Variants in COBL observed in about 807,000 individuals in gnomAD.
The protein encoded by COBL is cordon-bleu WH2 repeat protein.
Under a neutral mutation model 98.8 loss-of-function variants are expected in COBL, and 51 were observed. The observed-to-expected ratio is 0.52, with a 90% CI of 0.41 to 0.65. COBL has a LOEUF of 0.65. Among genes scored for constraint, COBL ranks in the 30% least tolerant of loss-of-function variants. The pLI, the probability that COBL is intolerant of heterozygous loss-of-function variation, is 0.00. For missense variants in COBL, 1,617 were observed against 1,617.5 expected, an observed-to-expected ratio of 1.00 and a Z score of 0.01; for synonymous variants, 634 against 651.7, an observed-to-expected ratio of 0.97 and a Z score of 0.41.
intron 2 of COBL, among the ~76,000 whole-genome samples, chr7:51,217,348 T>C (rs1297530421): frequency 6.7e-6 from 1 of 149,108 alleles, no homozygotes; most frequent in Non-Finnish European, 1.5e-5. Flanking sequence ...TTCTTTTTTT[T>C]TTTTTTTTTT....
intron 6 of COBL, among the ~76,000 whole-genome samples, chr7:51,133,057 A>T (rs1360580895): frequency 6.6e-6 from 1 of 152,098 alleles, no homozygotes; most frequent in Non-Finnish European, 1.5e-5. Context: ...CTCTAACCCA[A>T]ATGCAAGAGC....
chr7:51,079,723 G>A (rs114883585), intron 7 of COBL, among the ~76,000 whole-genome samples: 116 of 152,330 alleles, frequency 7.6e-4, no homozygotes, highest in African/African-American at 2.6e-3. Flanking sequence ...GAGCAGGCAC[G>A]CAGCTCAGAG....
rs933511275 is a variant in COBL, at chr7:51,236,827, T to C, written c.42-16883A>G. ...AAAAACAAGGCATGTCTGCGATGAA[T>C]GCAGCAGGGTCGGTGTCCTAAACCC... On this transcript the variant is annotated intron_variant, in intron 1 of 12. Transcript: ENST00000265136. Among the ~76,000 whole-genome samples the C allele has an allele frequency of 4.6e-5, 7 of 152,198 alleles. No individual in the cohort carries two copies. The East Asian group carries it at 1.4e-3, about 29-fold the overall frequency.
chr7:51,016,747 G>GT lies in COBL; in HGVS notation c.*803dup, dbSNP rs1786322369. ...TCATCAGGCTCCGTACACAGGCACCGTGGGGGAGGCCTATGTCACTTCATA... is the reference window on the plus strand; with the variant it reads ...TCATCAGGCTCCGTACACAGGCACCGTTGGGGGAGGCCTATGTCACTTCATA... On this transcript the variant is annotated 3_prime_UTR_variant, in exon 13 of 13. Transcript: ENST00000265136. The GT allele has an allele frequency of 7.7e-6, 3 of 391,996 alleles. No homozygotes were observed. The East Asian group carries it at 1.1e-4, about 14-fold the overall frequency. 24.3% of individuals were successfully genotyped at this position (391,996 alleles called of 1,614,324 possible).
chr7:51,253,199 G>A (rs1364236019), intron 1 of COBL, among the ~76,000 whole-genome samples: 2 of 152,136 alleles, frequency 1.3e-5, no homozygotes, highest in South Asian at 4.1e-4. Context: ...ACTCCAGTCT[G>A]GGCAACAGAC....
At chr7:51,148,247 CTGGGGGG>C (rs932787754) in intron 5 of COBL, among the ~76,000 whole-genome samples, 3 of 152,272 alleles carry the variant, frequency 2.0e-5, no homozygotes, top group South Asian at 4.1e-4. Context: ...GCCAGAGTGA[CTGGGGGG>C]TGGGCTACAA....
Position 51,226,522 on chromosome 7 carries a change from TTGAG to T in COBL, c.42-6582_42-6579del, listed in dbSNP as rs3081930. ...GGGAAGGAATTCGGTCACCACTGCG[TTGAG>T]TGAGTGAGTGAGTGAGTGAGTAAGT... On this transcript the variant is annotated intron_variant, in intron 1 of 12. Transcript: ENST00000265136. 1.0e-3 allele frequency among the ~76,000 whole-genome samples: 158 copies of T among 150,548 alleles called. 3 individuals carry two copies. The South Asian group carries it at 0.031, about 29-fold the overall frequency.
chr7:51,117,733 G>T (rs1389992985), intron 6 of COBL, among the ~76,000 whole-genome samples: 1 of 152,062 alleles, frequency 6.6e-6, no homozygotes, highest in African/African-American at 2.4e-5. Context: ...TTTCGAATAG[G>T]TCGCATTTTC....
chr7:51,161,720 T>C (rs988501765), intron 5 of COBL, among the ~76,000 whole-genome samples: 1 of 152,234 alleles, frequency 6.6e-6, no homozygotes, highest in African/African-American at 2.4e-5. Flanking sequence ...TGATGAAGCA[T>C]GTAGTAATAC....
intron 2 of COBL, among the ~76,000 whole-genome samples, chr7:51,207,275 T>C (rs1472602776): frequency 6.6e-6 from 1 of 151,438 alleles, no homozygotes; most frequent in East Asian, 1.9e-4. Context: ...GGAAGGAAAC[T>C]GACATAAAAG....
chr7:51,041,650 A>G (rs1400806034), intron 8 of COBL, among the ~76,000 whole-genome samples: 1 of 151,466 alleles, frequency 6.6e-6, no homozygotes, highest in African/African-American at 2.4e-5. Context: ...CACCCAGCCA[A>G]TTTTTGTATT....
chr7:51,099,091 C>CA (rs542571317), intron 6 of COBL, among the ~76,000 whole-genome samples: 1,134 of 95,460 alleles, frequency 0.012, 2 homozygotes, highest in Admixed American at 0.021. Flanking sequence ...TGGCCACTAT[C>CA]AAAAAAAAAA....
intron 7 of COBL, among the ~76,000 whole-genome samples, chr7:51,059,439 T>A (rs979202791): frequency 6.6e-6 from 1 of 152,158 alleles, no homozygotes; most frequent in African/African-American, 2.4e-5. Context: ...CATTCATTAG[T>A]GGTCATGATC....
chr7:51,020,102 A>G (rs735048), intron 12 of COBL, among the ~76,000 whole-genome samples: 102,267 of 152,154 alleles, frequency 0.67, 36,924 homozygotes, highest in Non-Finnish European at 0.82. Context: ...TCAGTTCAAT[A>G]GGACGTTTCC....
rs145498844 is a variant in COBL at position 51,213,634 on chromosome 7, G to C, written c.245+6107C>G. Among the ~76,000 whole-genome samples the C allele has an allele frequency of 5.9e-3, 891 of 152,292 alleles. 3 individuals carry two copies. Among genetic ancestry groups the C allele is most frequent in the Non-Finnish European group, 0.01 (699 of 68,026 alleles). The stretch of plus-strand genomic sequence containing the variant: ...GGAAGCCCAGAACCAGGGAAGTCTA[G>C]GTGTGAGGCTGAGGTCTCTGTAAGG... On this transcript the variant is annotated intron_variant, in intron 2 of 12. Coordinates refer to ENST00000265136, the MANE Select transcript of COBL (RefSeq NM_015198.5).
intron 1 of COBL, among the ~76,000 whole-genome samples, chr7:51,297,293 GGGAC>G (rs1801501437): frequency 6.6e-6 from 1 of 152,138 alleles, no homozygotes; most frequent in Non-Finnish European, 1.5e-5. Context: ...GGTGTTAACT[GGGAC>G]TGTCCCAACT....
At chr7:51,089,446 T>C (rs1054268978) in intron 6 of COBL, among the ~76,000 whole-genome samples, 4 of 151,812 alleles carry the variant, frequency 2.6e-5, no homozygotes, top group African/African-American at 9.7e-5. Context: ...ACCTGGGAGA[T>C]GGAGGTTGCA....
chr7:51,070,140 C>G (rs961793961), intron 7 of COBL, among the ~76,000 whole-genome samples: 2 of 152,096 alleles, frequency 1.3e-5, no homozygotes, highest in East Asian at 3.8e-4. Context: ...CACAAAACTT[C>G]CAGCAAAGGG....
In COBL at chr7:51,030,775, A is replaced by G. The variant is rs199721676; in HGVS notation, c.1504+37T>C. The G allele has an allele frequency of 3.0e-4, 402 of 1,332,042 alleles. 1 individual carries two copies. Among genetic ancestry groups the G allele is most frequent in the Non-Finnish European group, 4.1e-4 (379 of 930,264 alleles). 82.5% of individuals were successfully genotyped at this position (1,332,042 alleles called of 1,614,324 possible). ...TTACTGTTGGCACCTACTTTCATGCAGCATAATATCAGAGTAGCGGATCAG... is the reference window on the plus strand; with the variant it reads ...TTACTGTTGGCACCTACTTTCATGCGGCATAATATCAGAGTAGCGGATCAG... On this transcript the variant is annotated intron_variant, in intron 9 of 12. Transcript: ENST00000265136.
Sources: gnomAD v4.1 joint callset for allele counts (sites outside exome capture counted in the v4.1 genomes callset) on GRCh38, gnomAD v4.1.1 for gene constraint, MANE v1.5 for transcripts, NCBI Gene and HGNC (gene_info 2026-07-23, HGNC 2026-07-21) for gene names.